RERE: variants seen among roughly 807,000 people sequenced by gnomAD.
The protein encoded by RERE is arginine-glutamic acid dipeptide repeats protein.
RERE carries 40 observed loss-of-function variants against 146.1 expected under a neutral mutation model. That is an observed-to-expected ratio of 0.27 (90% confidence interval 0.21 to 0.36). The LOEUF is 0.36. Ranked by LOEUF, RERE falls within the 10% of genes least tolerant of loss-of-function variation. The pLI, the probability that RERE is intolerant of heterozygous loss-of-function variation, is 1.00. For synonymous variants in RERE, 1,003 were observed against 866.0 expected (o/e 1.16, Z -2.78); for missense variants, 1,933 against 2,138.7 (o/e 0.90, Z 1.90).
At position 8,360,326 on chromosome 1, in the gene RERE, C is replaced by G. The variant is rs772659157; in HGVS notation, c.3181G>C (p.Gly1061Arg). The G allele has an allele frequency of 7.2e-6, 11 of 1,526,054 alleles. No homozygotes were observed. The African/African-American group carries it at 1.5e-4, about 21-fold the overall frequency. 94.5% of individuals were successfully genotyped at this position (1,526,054 alleles called of 1,614,324 possible). A position where few individuals can be genotyped will look rare whatever the true frequency, so the allele number is the denominator to read the frequency against. Residue 1061 changes from glycine to arginine, a missense_variant, in exon 18 of 23, where the codon GGA (glycine) becomes CGA (arginine). Coordinates refer to ENST00000400908, the MANE Select transcript of RERE (RefSeq NM_001042681.2). ...GGTGGCTGGGCCGAGGTGCCAGGTC[C>G]CGCCGGTGGGGTAGAGGTGGAGGGG... ...TCPSTSTPPA[G>R]PGTSAQPPCS... is the part of the protein sequence containing the mutation.
intron 12 of RERE, among the ~76,000 whole-genome samples, chr1:8,401,474 C>CTA (rs1218330995): frequency 2.0e-5 from 3 of 151,922 alleles, no homozygotes; most frequent in African/African-American, 7.3e-5. Context: ...AATATCGGGT[C>CTA]TATAACTGGG....
intron 4 of RERE, among the ~76,000 whole-genome samples, chr1:8,577,332 A>G (rs1646308613): frequency 6.6e-6 from 1 of 151,800 alleles, no homozygotes. Context: ...TTTCTATCCT[A>G]GTATATTGCT....
At chr1:8,587,688 T>C (rs927634106) in intron 4 of RERE, among the ~76,000 whole-genome samples, 7 of 152,226 alleles carry the variant, frequency 4.6e-5, no homozygotes, top group South Asian at 4.1e-4. Context: ...GTTTCTCAGC[T>C]TTCAGAGCTC....
intron 8 of RERE, among the ~76,000 whole-genome samples, chr1:8,502,550 A>C (rs906494260): frequency 6.4e-5 from 9 of 140,504 alleles, no homozygotes; most frequent in African/African-American, 1.6e-4. Context: ...GGAAGTGAGG[A>C]GCCCCTCTGC....
At chr1:8,677,770 G>C (rs1377935410) in intron 1 of RERE, among the ~76,000 whole-genome samples, 1 of 152,106 alleles carries the variant, frequency 6.6e-6, no homozygotes, top group Non-Finnish European at 1.5e-5. Context: ...GGAGTTGTGA[G>C]GAATAAGCAA....
At chr1:8,677,454 G>GAAAAAAAAAAAA (rs571192127) in intron 1 of RERE, among the ~76,000 whole-genome samples, 1 of 101,698 alleles carries the variant, frequency 9.8e-6, no homozygotes, top group Non-Finnish European at 2.1e-5. Context: ...AGAAAGAAAA[G>GAAAAAAAAAAAA]AAAAAAAAAA....
chr1:8,575,904 G>A (rs1321416050), intron 4 of RERE, among the ~76,000 whole-genome samples: 1 of 152,054 alleles, frequency 6.6e-6, no homozygotes, highest in Non-Finnish European at 1.5e-5. Flanking sequence ...ATATTCAAAA[G>A]TGTCAAGGTC....
chr1:8,792,308 T>G (rs536800370), intron 1 of RERE: 1 of 152,340 alleles, frequency 6.6e-6, no homozygotes, highest in South Asian at 2.1e-4. Flanking sequence ...TACCTTATCT[T>G]TGAAATACAC....
intron 1 of RERE, among the ~76,000 whole-genome samples, chr1:8,659,377 C>T (rs1409799217): frequency 4.6e-5 from 7 of 152,116 alleles, no homozygotes; most frequent in East Asian, 1.9e-4. Flanking sequence ...GCCAAGATGG[C>T]GAAACCCTGT....
intron 1 of RERE, among the ~76,000 whole-genome samples, chr1:8,687,708 C>T (rs780947200): frequency 5.3e-5 from 8 of 152,102 alleles, no homozygotes; most frequent in Non-Finnish European, 1.0e-4. Flanking sequence ...ATAATTGCTT[C>T]GTCATACATA....
intron 1 of RERE, among the ~76,000 whole-genome samples, chr1:8,690,979 C>T (rs1040715598): frequency 6.6e-6 from 1 of 152,090 alleles, no homozygotes; most frequent in Non-Finnish European, 1.5e-5. Flanking sequence ...CTTATTGCAA[C>T]CTCTGCCTCC....
intron 1 of RERE, among the ~76,000 whole-genome samples, chr1:8,715,565 T>C (rs1161180021): frequency 6.6e-6 from 1 of 151,760 alleles, no homozygotes; most frequent in African/African-American, 2.4e-5. Flanking sequence ...AATGGTGATA[T>C]TACCACAATG....
At chr1:8,367,550 A>G (rs1641859823) in intron 12 of RERE, among the ~76,000 whole-genome samples, 1 of 152,202 alleles carries the variant, frequency 6.6e-6, no homozygotes, top group South Asian at 2.1e-4. Context: ...CTGATCACCA[A>G]TACCTAGCAG....
intron 12 of RERE, among the ~76,000 whole-genome samples, chr1:8,386,020 A>ATTTTTTTTTTTTTTTTTT (rs1557603339): frequency 2.7e-5 from 1 of 36,698 alleles, no homozygotes; most frequent in Non-Finnish European, 4.5e-5. Context: ...ATATATATAT[A>ATTTTTTTTTTTTTTTTTT]TATTTTTTTT....
At chr1:8,757,090 C>CAAAAAAAAA (rs34237128) in intron 1 of RERE, among the ~76,000 whole-genome samples, 3 of 59,496 alleles carry the variant, frequency 5.0e-5, no homozygotes, top group African/African-American at 6.8e-5. Context: ...AACTCCATCT[C>CAAAAAAAAA]AAAAAAAAAA....
intron 4 of RERE, among the ~76,000 whole-genome samples, chr1:8,595,238 T>C (rs1374421477): frequency 6.6e-6 from 1 of 152,002 alleles, no homozygotes; most frequent in Non-Finnish European, 1.5e-5. Context: ...TGGGTAAAAT[T>C]TCTTTGCCTA....
At chr1:8,575,534 AATATATATAT>A (rs67724601) in intron 4 of RERE, among the ~76,000 whole-genome samples, 2 of 114,074 alleles carry the variant, frequency 1.8e-5, no homozygotes, top group African/African-American at 3.4e-5. Context: ...TGGCTAATTT[AATATATATAT>A]ATATATATAT....
At chr1:8,456,496 G>C (rs1453196410) in intron 11 of RERE, among the ~76,000 whole-genome samples, 4 of 152,172 alleles carry the variant, frequency 2.6e-5, no homozygotes. Flanking sequence ...AGAAGTCAGA[G>C]GAATGCATGA....
At chr1:8,403,192 C>T (rs552206955) in intron 12 of RERE, among the ~76,000 whole-genome samples, 9 of 152,154 alleles carry the variant, frequency 5.9e-5, no homozygotes, top group Non-Finnish European at 1.2e-4. Context: ...CCACCGCGCC[C>T]GGCCAATGAT....
Sources: gnomAD v4.1 joint callset for allele counts (sites outside exome capture counted in the v4.1 genomes callset) on GRCh38, gnomAD v4.1.1 for gene constraint, MANE v1.5 for transcripts, NCBI Gene and HGNC (gene_info 2026-07-23, HGNC 2026-07-21) for gene names.